CPM: variants seen among roughly 807,000 people sequenced by gnomAD.
CPM encodes the protein carboxypeptidase M.
A neutral mutation model predicts 46.4 loss-of-function variants in CPM; 35 were observed. That is an observed-to-expected ratio of 0.75 (90% confidence interval 0.58 to 1.00). CPM has a LOEUF of 1.00. Among genes scored for constraint, CPM ranks in the 50% least tolerant of loss-of-function variants. CPM has a pLI of 0.00. For missense variants in CPM, 422 were observed against 530.4 expected, an observed-to-expected ratio of 0.80 and a Z score of 2.01; for synonymous variants, 195 against 195.3, an observed-to-expected ratio of 1.00 and a Z score of 0.01.
intron 6 of CPM, among the ~76,000 whole-genome samples, chr12:68,867,670 G>A (rs765137451): frequency 6.6e-6 from 1 of 152,130 alleles, no homozygotes; most frequent in Non-Finnish European, 1.5e-5. Flanking sequence ...GCCACCTTCC[G>A]CCAGCACCTG....
At chr12:68,918,871 A>T (rs1887922268) in intron 2 of CPM, among the ~76,000 whole-genome samples, 1 of 152,110 alleles carries the variant, frequency 6.6e-6, no homozygotes, top group South Asian at 2.1e-4. Flanking sequence ...AGATTGCATC[A>T]CTCTCTTCTT....
chr12:68,931,433 T>C (rs112257389), intron 2 of CPM, among the ~76,000 whole-genome samples: 6 of 151,916 alleles, frequency 3.9e-5, no homozygotes. Context: ...ATCAGGATAA[T>C]AAAAGATGAT....
chr12:68,947,568 G>C (rs971016370), intron 1 of CPM, among the ~76,000 whole-genome samples: 5 of 151,450 alleles, frequency 3.3e-5, no homozygotes, highest in Non-Finnish European at 7.4e-5. Flanking sequence ...TTGCACTCCA[G>C]CCTGGGCAAC....
chr12:68,890,832 C>G (rs1886625138), intron 2 of CPM, among the ~76,000 whole-genome samples: 1 of 152,216 alleles, frequency 6.6e-6, no homozygotes, highest in Non-Finnish European at 1.5e-5. Flanking sequence ...ATGGGACATG[C>G]CTAGGGAGAA....
chr12:68,866,955 G>C lies in CPM; in HGVS notation c.881C>G (p.Pro294Arg), dbSNP rs1885478563. Reference sequence around the variant, plus strand: ...GGCTTTGTTATTATTCCAAAAGGATGGAAGCTTCTCCTCACGAGGATATTT... The same window carrying C: ...GGCTTTGTTATTATTCCAAAAGGATCGAAGCTTCTCCTCACGAGGATATTT... ...CCKYPREEKL[P>R]SFWNNNKASL... Residue 294 changes from proline (P) to arginine (R), a missense_variant, in exon 7 of 9, where the codon CCA becomes CGA. Physicochemically the swap from Pro to Arg is moderately radical, Grantham distance 103 (BLOSUM62 -2). Coordinates refer to ENST00000551568, the MANE Select transcript of CPM (RefSeq NM_198320.5). 2.5e-6 allele frequency: 4 copies of C among 1,614,012 alleles called. No homozygotes were observed. In the African/African-American group the frequency reaches 5.3e-5, roughly 22 times the overall value.
chr12:68,871,896 C>A lies in CPM; in HGVS notation c.319G>T (p.Asp107Tyr), dbSNP rs749617350. 9.8e-5 allele frequency: 158 copies of A among 1,614,010 alleles called. No homozygotes were observed. The highest frequency in any genetic ancestry group is 1.2e-4 in the Non-Finnish European group (140 of 1,180,028). Residue 107 changes from aspartate to tyrosine, a missense_variant, in exon 4 of 9, where the codon GAC (aspartate) becomes TAC (tyrosine). Coordinates refer to ENST00000551568, the MANE Select transcript of CPM (RefSeq NM_198320.5). ...TTGATCAGATTTGTGATTTCAGGGT[C>A]TTTGCCATCACTGGTTACGAGATAG... ...IDYLVTSDGK[D>Y]PEITNLINST... is the part of the protein sequence containing the mutation.
At chr12:68,935,363 C>T (rs564507601), upstream of CPM, among the ~76,000 whole-genome samples, 3 of 152,254 alleles carry the variant, frequency 2.0e-5, no homozygotes, top group South Asian at 2.1e-4. Flanking sequence ...CAGGTTCAAG[C>T]GATTCTTGTG....
At chr12:68,902,444 T>C (rs988106486) in intron 2 of CPM, among the ~76,000 whole-genome samples, 4 of 152,200 alleles carry the variant, frequency 2.6e-5, no homozygotes, top group African/African-American at 7.2e-5. Flanking sequence ...CCACTAACAA[T>C]GATCACTAAT....
chr12:68,924,480 G>A (rs561044351), intron 2 of CPM, among the ~76,000 whole-genome samples: 39 of 145,632 alleles, frequency 2.7e-4, no homozygotes, highest in African/African-American at 2.3e-4. Context: ...ACTCCATATA[G>A]AAAAAAAAAA....
intron 3 of CPM, among the ~76,000 whole-genome samples, chr12:68,872,738 A>AT (rs57880816): frequency 0.019 from 2,822 of 146,652 alleles, 32 homozygotes; most frequent in Middle Eastern, 0.039. Flanking sequence ...CACATTGTAG[A>AT]TTTTTTTTTT....
intron 2 of CPM, among the ~76,000 whole-genome samples, chr12:68,932,399 T>A (rs1433256591): frequency 6.6e-6 from 1 of 152,186 alleles, no homozygotes; most frequent in Non-Finnish European, 1.5e-5. Context: ...ACATCCCAAA[T>A]AACCAATGTC....
At chr12:68,944,788 A>G (rs575569330) in intron 1 of CPM, among the ~76,000 whole-genome samples, 111 of 152,116 alleles carry the variant, frequency 7.3e-4, no homozygotes, top group Non-Finnish European at 1.2e-3. Flanking sequence ...TACCACTCAA[A>G]TCAGTCTTTC....
chr12:68,962,044 C>CA (rs1186661101), intron 1 of CPM, among the ~76,000 whole-genome samples: 19 of 151,740 alleles, frequency 1.3e-4, no homozygotes, highest in African/African-American at 2.4e-4. Context: ...ACTGAAAATA[C>CA]AAAAAATTAG....
At chr12:68,926,842 C>T (rs1267916704) in intron 2 of CPM, among the ~76,000 whole-genome samples, 1 of 152,144 alleles carries the variant, frequency 6.6e-6, no homozygotes, top group Non-Finnish European at 1.5e-5. Flanking sequence ...CGATAGTTTA[C>T]TGAGAATGAT....
At chr12:68,860,191 G>A (rs1187612896) in intron 7 of CPM, among the ~76,000 whole-genome samples, 1 of 152,132 alleles carries the variant, frequency 6.6e-6, no homozygotes, top group Non-Finnish European at 1.5e-5. Flanking sequence ...TTTAGTTCCT[G>A]ACTCTTCATT....
At chr12:68,948,997 G>A (rs1450570083) in intron 1 of CPM, among the ~76,000 whole-genome samples, 3 of 152,276 alleles carry the variant, frequency 2.0e-5, no homozygotes, top group South Asian at 4.1e-4. Flanking sequence ...GTAAGCTCCC[G>A]GAGGACACAA....
At chr12:68,916,823 G>T (rs552066440) in intron 2 of CPM, among the ~76,000 whole-genome samples, 1 of 151,384 alleles carries the variant, frequency 6.6e-6, no homozygotes, top group Non-Finnish European at 1.5e-5. Flanking sequence ...AGGAAGCGGA[G>T]GTTGCAGTGA....
intron 2 of CPM, among the ~76,000 whole-genome samples, chr12:68,895,660 T>C (rs1460238103): frequency 6.6e-6 from 1 of 152,040 alleles, no homozygotes; most frequent in African/African-American, 2.4e-5. Context: ...TTTGTGGAGG[T>C]GGCCCAGAAG....
chr12:68,856,369 T>C lies in CPM; in HGVS notation c.*68A>G. The C allele has an allele frequency of 6.5e-7, 1 of 1,536,730 alleles. No individual in the cohort carries two copies. The highest frequency in any genetic ancestry group is 1.2e-5 in the South Asian group (1 of 80,290). Reference sequence around the variant, plus strand: ...AAGGTCCCACTAGAGTGAGTTAGGGTTGCAGTAACCTGGAGTGAGCAATCC... The same window carrying C: ...AAGGTCCCACTAGAGTGAGTTAGGGCTGCAGTAACCTGGAGTGAGCAATCC... On this transcript the variant is annotated 3_prime_UTR_variant, in exon 9 of 9. Transcript: ENST00000551568.
Sources: allele counts gnomAD v4.1 joint callset (sites outside exome capture counted in the v4.1 genomes callset), GRCh38; gene constraint gnomAD v4.1.1; transcripts MANE v1.5; gene names NCBI Gene and HGNC (gene_info 2026-07-23, HGNC 2026-07-21).